AGAP3: variants seen among roughly 807,000 people sequenced by gnomAD.
The protein encoded by AGAP3 is arf-GAP with GTPase, ANK repeat and PH domain-containing protein 3.
AGAP3 carries 24 observed loss-of-function variants against 96.9 expected under a neutral mutation model. The ratio of observed to expected loss-of-function variants is 0.25; its 90% CI spans 0.18 to 0.35. AGAP3 has a LOEUF of 0.35. Ranked by LOEUF, AGAP3 falls within the 10% of genes least tolerant of loss-of-function variation. The pLI, the probability that AGAP3 is intolerant of heterozygous loss-of-function variation, is 1.00. For synonymous variants in AGAP3, 563 were observed against 536.1 expected (o/e 1.05, Z -0.69); for missense variants, 876 against 1,254.2 (o/e 0.70, Z 4.55).
intron 1 of AGAP3, among the ~76,000 whole-genome samples, chr7:151,090,943 CA>C (rs946951446): frequency 1.3e-5 from 2 of 150,042 alleles, no homozygotes; most frequent in East Asian, 1.9e-4. Context: ...GACTCCGTCT[CA>C]AAAAAAAACA....
intron 1 of AGAP3, chr7:151,115,168 A>G: frequency 3.9e-6 from 4 of 1,034,232 alleles, no homozygotes; most frequent in Non-Finnish European, 3.5e-6. Context: ...CTGGAGGTGA[A>G]CCGCCTGGAG....
At chr7:151,104,619 G>A (rs1019092530) in intron 1 of AGAP3, among the ~76,000 whole-genome samples, 4 of 152,350 alleles carry the variant, frequency 2.6e-5, no homozygotes, top group East Asian at 1.9e-4. Context: ...CTGGTTCCCC[G>A]GTTGGAAGAG....
Position 151,128,582 on chromosome 7 carries a change from G to T in AGAP3, c.1224G>T (p.Gly408=), listed in dbSNP as rs774683606. The part of the protein sequence containing the change: ...GSGRAIPIKQ[G]ILLKRSGKSL... ...TCTGATCAGACCTCTGTTCTCAGGG[G>T]ATCCTGCTAAAGCGGAGCGGCAAGT... The change falls in exon 10 of 18, where the codon GGG becomes GGT. Residue 408 remains glycine, a splice_region_variant and synonymous_variant. Transcript: ENST00000397238. 8.1e-6 allele frequency: 13 copies of T among 1,613,532 alleles called. No homozygotes were observed. The Admixed American group carries it at 1.5e-4, about 19-fold the overall frequency.
intron 1 of AGAP3, among the ~76,000 whole-genome samples, chr7:151,098,040 A>C (rs1287245431): frequency 2.6e-5 from 4 of 152,154 alleles, no homozygotes; most frequent in African/African-American, 9.7e-5. Context: ...GGTGTTGAAG[A>C]ATAGCTCTGA....
At position 151,142,645 on chromosome 7, in the gene AGAP3, G is replaced by A; in HGVS notation, c.2273+11G>A. The A allele has an allele frequency of 3.1e-6, 5 of 1,610,466 alleles. No homozygotes were observed. The highest frequency in any genetic ancestry group is 2.2e-5 in the East Asian group (1 of 44,866). ...GCCTGATGCCTGCAGGTGAGCAGAT[G>A]GTGCCCTGGAGCTGGCCAGGAATGG... is the stretch of plus-strand genomic sequence containing the variant. On this transcript the variant is annotated intron_variant, in intron 16 of 17. Coordinates refer to ENST00000397238, the MANE Select transcript of AGAP3 (RefSeq NM_031946.7). This position sits in a 1 kb window ranked among gnomAD's most constrained non-coding sequence, Gnocchi z 7.5.
intron 12 of AGAP3, 38 bp downstream of exon 12, chr7:151,138,351 G>T: frequency 1.3e-6 from 2 of 1,573,348 alleles, no homozygotes; most frequent in East Asian, 2.3e-5. Context: ...CTTTTCTGGG[G>T]CCCCAGTGAC....
chr7:151,114,929 G>A lies in AGAP3; in HGVS notation c.332-1864G>A. 1 of 986,450 alleles carries A rather than the reference G, an allele frequency of 1.0e-6. No homozygotes were observed. Among genetic ancestry groups the A allele is most frequent in the East Asian group, 1.1e-4 (1 of 8,950 alleles). 61.1% of individuals were successfully genotyped at this position (986,450 alleles called of 1,614,324 possible). On this transcript the variant is annotated intron_variant, in intron 1 of 17. Coordinates refer to ENST00000397238, the MANE Select transcript of AGAP3 (RefSeq NM_031946.7). This position sits in a 1 kb window ranked among gnomAD's most constrained non-coding sequence, Gnocchi z 4.4. ...CCGCCCTCTGCGCCGCCAGTGAGCA[G>A]CCGGCGCGGCCGCGGAGCGTGTGCT...
At chr7:151,132,406 TG>T (rs1267704394) in intron 10 of AGAP3, among the ~76,000 whole-genome samples, 1 of 152,216 alleles carries the variant, frequency 6.6e-6, no homozygotes, top group African/African-American at 2.4e-5. Context: ...CACAGAGGAC[TG>T]GGGTGGCAGG....
chr7:151,119,125 C>A, intron 7 of AGAP3: 1 of 191,332 alleles, frequency 5.2e-6, no homozygotes, highest in Non-Finnish European at 1.1e-5. Flanking sequence ...AGGGCTGTGT[C>A]CTTCTTACTG....
At chr7:151,126,361 A>AGAGCG (rs550210023) in intron 9 of AGAP3, among the ~76,000 whole-genome samples, 939 of 10,534 alleles carry the variant, frequency 0.089, 7 homozygotes, top group East Asian at 0.41. Context: ...AGAGCGGAGC[A>AGAGCG]GAGCAGAGCG....
Position 151,128,682 on chromosome 7 carries a change from C to G in AGAP3, c.1324C>G (p.His442Asp). 1 of 1,606,264 alleles carries G rather than the reference C, an allele frequency of 6.2e-7. No homozygotes were observed. The highest frequency in any genetic ancestry group is 8.5e-7 in the Non-Finnish European group (1 of 1,174,264). ...NGLLTYHPSL[H>D]DYMQNIHGKE... The stretch of plus-strand genomic sequence containing the variant: ...GCTGCTCACCTATCACCCCAGCCTG[C>G]ATGTGAGTCTGGGAGGAGGAGCCTC... The change falls in exon 10 of 18, where the codon CAT becomes GAT. Residue 442 changes from histidine to aspartate, a missense_variant and splice_region_variant. His to Asp is a moderately conservative substitution (Grantham distance 81). Around this residue, in one of 8 missense-constraint regions of AGAP3, gnomAD observed 63 missense variants for 114.5 expected, o/e 0.55. Coordinates refer to ENST00000397238, the MANE Select transcript of AGAP3 (RefSeq NM_031946.7).
At chr7:151,094,236 G>A (rs1445267938) in intron 1 of AGAP3, among the ~76,000 whole-genome samples, 3 of 136,342 alleles carry the variant, frequency 2.2e-5, no homozygotes, top group Admixed American at 1.5e-4. Context: ...TCTGAAAGGC[G>A]GCAGGGTATC....
chr7:151,107,437 C>G (rs1799102834), intron 1 of AGAP3, among the ~76,000 whole-genome samples: 1 of 151,920 alleles, frequency 6.6e-6, no homozygotes, highest in Non-Finnish European at 1.5e-5. Flanking sequence ...CCAGCCTGGG[C>G]AACATGGTGA....
rs960465059 is a variant in AGAP3, at chr7:151,090,402, T to A, written c.331+3330T>A. 518 of 149,950 alleles carry A rather than the reference T, an allele frequency of 3.5e-3. 3 individuals carry two copies. Among genetic ancestry groups the A allele is most frequent in the African/African-American group, 0.012 (501 of 40,176 alleles). 9.3% of individuals were successfully genotyped at this position (149,950 alleles called of 1,614,324 possible). Reference sequence around the variant, plus strand: ...GGGCTTTTTTTTTTTTTTTTTTTTTTTTTAAACAGTTACTTCGAGCATTCC... The same window carrying A: ...GGGCTTTTTTTTTTTTTTTTTTTTTATTTAAACAGTTACTTCGAGCATTCC... On this transcript the variant is annotated intron_variant, in intron 1 of 17. Transcript: ENST00000397238.
At chr7:151,087,426 C>T (rs13225215) in intron 1 of AGAP3, among the ~76,000 whole-genome samples, 61,313 of 151,972 alleles carry the variant, frequency 0.4, 13,572 homozygotes, top group East Asian at 0.58. Flanking sequence ...GGCTTCTTAG[C>T]CGCTGCCCGG....
intron 1 of AGAP3, among the ~76,000 whole-genome samples, chr7:151,098,124 C>T (rs1212618380): frequency 2.0e-5 from 3 of 152,070 alleles, no homozygotes; most frequent in Admixed American, 6.5e-5. Context: ...TTTGGGAGGC[C>T]GAGGCAGGCA....
chr7:151,142,384 G>A lies in AGAP3; in HGVS notation c.2051-28G>A, dbSNP rs375586746. The A allele has an allele frequency of 1.0e-4, 166 of 1,605,186 alleles. No homozygotes were observed. The highest frequency in any genetic ancestry group is 9.9e-4 in the Middle Eastern group (6 of 6,066). ...GCGCTCTGGTGGCCTGCCTGCTGTCGCTGTATCATTCTCCTCTCCTTGCCT... is the reference window on the plus strand; with the variant it reads ...GCGCTCTGGTGGCCTGCCTGCTGTCACTGTATCATTCTCCTCTCCTTGCCT... On this transcript the variant is annotated intron_variant, in intron 15 of 17. Coordinates refer to ENST00000397238, the MANE Select transcript of AGAP3 (RefSeq NM_031946.7). The surrounding 1 kb of genome is among the most constrained non-coding windows in gnomAD (Gnocchi z 7.5).
intron 11 of AGAP3, among the ~76,000 whole-genome samples, chr7:151,135,717 A>G (rs1441365727): frequency 1.3e-5 from 2 of 152,186 alleles, no homozygotes; most frequent in Non-Finnish European, 2.9e-5. Flanking sequence ...GCCTGACACA[A>G]CTGAGATGTA....
Position 151,092,381 on chromosome 7 carries a change from A to G in AGAP3, c.331+5309A>G, listed in dbSNP as rs1367252664. ...CCACCTGTTGTGTTAGTTTCTTTTT[A>G]ATATGCAGGTAACTGGAAATTAGTT... On this transcript the variant is annotated intron_variant, in intron 1 of 17. Coordinates refer to ENST00000397238, the MANE Select transcript of AGAP3 (RefSeq NM_031946.7). Among the ~76,000 whole-genome samples, 3 of 152,290 alleles carry G rather than the reference A, an allele frequency of 2.0e-5. No homozygotes were observed. In the East Asian group the frequency reaches 5.8e-4, roughly 29 times the overall value.
Sources: gnomAD v4.1 joint callset for allele counts (sites outside exome capture counted in the v4.1 genomes callset) on GRCh38, gnomAD v4.1.1 for gene constraint, gnomAD v4.1.1 regional missense constraint, Gnocchi (gnomAD v3.1) non-coding constraint, MANE v1.5 for transcripts, NCBI Gene and HGNC (gene_info 2026-07-23, HGNC 2026-07-21) for gene names.